CD74: variants seen among roughly 807,000 people sequenced by gnomAD.
The protein encoded by CD74 is HLA class II histocompatibility antigen gamma chain.
CD74 carries 20 observed loss-of-function variants against 37.1 expected under a neutral mutation model. The ratio of observed to expected loss-of-function variants is 0.54; its 90% CI spans 0.38 to 0.78. CD74 has a LOEUF of 0.78. Among genes scored for constraint, CD74 ranks in the 30% least tolerant of loss-of-function variants. The pLI, the probability that CD74 is intolerant of heterozygous loss-of-function variation, is 0.00. For synonymous variants in CD74, 150 were observed against 152.0 expected (o/e 0.99, Z 0.10); for missense variants, 338 against 389.5 (o/e 0.87, Z 1.11).
Position 150,402,088 on chromosome 5 carries a change from G to A in CD74, c.*152C>T. 1.3e-6 allele frequency: 2 copies of A among 1,543,552 alleles called. No homozygotes were observed. The highest frequency in any genetic ancestry group is 1.2e-5 in the South Asian group (1 of 84,052). On this transcript the variant is annotated 3_prime_UTR_variant, in exon 9 of 9. Coordinates refer to ENST00000009530, the MANE Select transcript of CD74 (RefSeq NM_001025159.3). This position sits in a 1 kb window ranked among gnomAD's most constrained non-coding sequence, Gnocchi z 4.2. ...GTTATCTGCTGTTCCGACTTGGTTT[G>A]TCTTGTCCAAGGGTGACGAAAGAGC...
chr5:150,406,358 T>C (rs1294016600), intron 3 of CD74, 37 bp from the exon 4 acceptor site: 1 of 1,563,254 alleles, frequency 6.4e-7, no homozygotes, highest in South Asian at 1.1e-5. Flanking sequence ...CCAGAGCTGG[T>C]CCCTGGAGCA....
Position 150,402,990 on chromosome 5 carries a change from G to T in CD74, c.817+131C>A. On this transcript the variant is annotated intron_variant, in intron 7 of 8. Transcript: ENST00000009530. The surrounding 1 kb of genome is among the most constrained non-coding windows in gnomAD (Gnocchi z 4.2). The stretch of plus-strand genomic sequence containing the variant: ...TGGATGGATAAAGGGCTGGACGCAT[G>T]ACTACGTCACTGCCCCCAGGAGCTG... 1 of 700,566 alleles carries T rather than the reference G, an allele frequency of 1.4e-6. No individual in the cohort carries two copies. Among genetic ancestry groups the T allele is most frequent in the South Asian group, 1.8e-5 (1 of 55,512 alleles). 43.4% of individuals were successfully genotyped at this position (700,566 alleles called of 1,614,324 possible).
At chr5:150,406,559 A>C (rs903184848) in intron 3 of CD74, 1 of 595,610 alleles carries the variant, frequency 1.7e-6, no homozygotes, top group Non-Finnish European at 3.0e-6. Flanking sequence ...TCCACAGCAC[A>C]GTATTGTGAA....
Position 150,412,891 on chromosome 5 carries a change from T to A in CD74, c.-142A>T. The A allele has an allele frequency of 6.6e-7, 1 of 1,517,786 alleles. No homozygotes were observed. Among genetic ancestry groups the A allele is most frequent in the East Asian group, 2.3e-5 (1 of 43,442 alleles). 94.0% of individuals were successfully genotyped at this position (1,517,786 alleles called of 1,614,324 possible). Reference sequence around the variant, plus strand: ...TGGAAATACCCCACTTTGGTGAAGCTGCCTTTTGCGGGGCAGGATGTGGGG... The same window carrying A: ...TGGAAATACCCCACTTTGGTGAAGCAGCCTTTTGCGGGGCAGGATGTGGGG... On this transcript the variant is annotated 5_prime_UTR_variant, in exon 1 of 9. Coordinates refer to ENST00000009530, the MANE Select transcript of CD74 (RefSeq NM_001025159.3).
intron 6 of CD74, chr5:150,404,468 G>A (rs1769825743): frequency 7.2e-6 from 4 of 557,534 alleles, no homozygotes; most frequent in Admixed American, 6.1e-5. Context: ...GGAACCCTTA[G>A]ACAAGATGGG....
intron 1 of CD74, among the ~76,000 whole-genome samples, chr5:150,411,962 A>C (rs944337759): frequency 2.0e-5 from 3 of 151,946 alleles, no homozygotes; most frequent in African/African-American, 7.3e-5. Context: ...CAAGGTCTTT[A>C]TTTATTTATT....
Position 150,406,870 on chromosome 5 carries a change from G to A in CD74, c.378+11C>T. ...ACCTTGCCCCTCCCACCACCCTGGGGCTGTCCTTACCCCCTGGGGCAGGGC... is the reference window on the plus strand; with the variant it reads ...ACCTTGCCCCTCCCACCACCCTGGGACTGTCCTTACCCCCTGGGGCAGGGC... On this transcript the variant is annotated intron_variant, in intron 3 of 8. Transcript: ENST00000009530. The A allele has an allele frequency of 2.0e-6, 3 of 1,480,498 alleles. No homozygotes were observed. The highest frequency in any genetic ancestry group is 2.7e-6 in the Non-Finnish European group (3 of 1,115,404). The allele number at this position is 1,480,498 out of a possible 1,614,324, so 91.7% of individuals were successfully genotyped here.
intron 1 of CD74, among the ~76,000 whole-genome samples, chr5:150,410,162 G>A (rs574268166): frequency 6.6e-6 from 1 of 152,296 alleles, no homozygotes; most frequent in African/African-American, 2.4e-5. Flanking sequence ...CCTAGCCTGT[G>A]TTCAGGCTCT....
In CD74 at chr5:150,402,613, A is replaced by G. The variant is rs750599825; in HGVS notation, c.830T>C (p.Leu277Pro). The part of the protein sequence containing the change: ...GHHNCSESLE[L>P]EDPSSGLGVT... ...ACCCAGCCCAGAAGACGGGTCCTCC[A>G]GTTCCAGTGACTCTGCAAAGGAGCA... is the stretch of plus-strand genomic sequence containing the variant. Residue 277 changes from leucine (L) to proline (P), a missense_variant, in exon 8 of 9, where the codon CTG becomes CCG. Physicochemically the swap from Leu to Pro is moderately conservative, Grantham distance 98. Transcript: ENST00000009530. This position sits in a 1 kb window ranked among gnomAD's most constrained non-coding sequence, Gnocchi z 4.2. The G allele has an allele frequency of 6.2e-7, 1 of 1,611,192 alleles. No homozygotes were observed. Among genetic ancestry groups the G allele is most frequent in the South Asian group, 1.1e-5 (1 of 90,768 alleles).
rs767638817 is a variant in CD74, at chr5:150,406,884, C to A, written c.375G>T (p.Gln125His). 1 of 1,502,914 alleles carries A rather than the reference C, an allele frequency of 6.7e-7. No individual in the cohort carries two copies. Among genetic ancestry groups the A allele is most frequent in the South Asian group, 1.4e-5 (1 of 71,312 alleles). The allele number at this position is 1,502,914 out of a possible 1,614,324, so 93.1% of individuals were successfully genotyped here. ...ACCACCCTGGGGCTGTCCTTACCCC[C>A]TGGGGCAGGGCTCCCATGGGCAGCG... ...MQALPMGALP[Q>H]GPMQNATKYG... The change falls in exon 3 of 9, where the codon CAG (glutamine) becomes CAT (histidine). Residue 125 changes from glutamine (Q) to histidine (H), a missense_variant. Coordinates refer to ENST00000009530, the MANE Select transcript of CD74 (RefSeq NM_001025159.3).
chr5:150,412,509 A>G, intron 1 of CD74, 116 bp downstream of exon 1: 2 of 785,114 alleles, frequency 2.5e-6, no homozygotes, highest in Non-Finnish European at 4.2e-6. Flanking sequence ...AGTCAATGTT[A>G]GAGTCAGAGC....
At chr5:150,405,350 TAA>T in intron 4 of CD74, 170 bp from the exon 5 acceptor site, 1 of 1,339,654 alleles carries the variant, frequency 7.5e-7, no homozygotes, top group Admixed American at 3.7e-5. Context: ...AGGGTACGGG[TAA>T]GGGTAGTCCA....
chr5:150,412,106 A>G (rs928256080), intron 1 of CD74, among the ~76,000 whole-genome samples: 14 of 152,228 alleles, frequency 9.2e-5, no homozygotes, highest in Admixed American at 5.9e-4. Context: ...GTGGGATTAC[A>G]GGTGTACACC....
At chr5:150,408,745 C>T (rs1331969437) in intron 1 of CD74, among the ~76,000 whole-genome samples, 2 of 152,182 alleles carry the variant, frequency 1.3e-5, no homozygotes, top group Non-Finnish European at 2.9e-5. Context: ...TTGACGACCC[C>T]AGGGGTGGGA....
chr5:150,407,378 C>T lies in CD74; in HGVS notation c.126-54G>A, dbSNP rs1204994597. On this transcript the variant is annotated intron_variant, in intron 1 of 8. Coordinates refer to ENST00000009530, the MANE Select transcript of CD74 (RefSeq NM_001025159.3). The surrounding 1 kb of genome is among the most constrained non-coding windows in gnomAD (Gnocchi z 4.4). ...GGAGGATCCACAGTGGTGGCTGCCC[C>T]AAGGGCTGGCTAGGAATGGGGAAAT... The T allele has an allele frequency of 1.3e-6, 2 of 1,481,584 alleles. No individual in the cohort carries two copies. Among genetic ancestry groups the T allele is most frequent in the East Asian group, 4.7e-5 (2 of 42,428 alleles). 91.8% of individuals were successfully genotyped at this position (1,481,584 alleles called of 1,614,324 possible).
chr5:150,409,260 C>T (rs1770189205), intron 1 of CD74, among the ~76,000 whole-genome samples: 1 of 151,210 alleles, frequency 6.6e-6, no homozygotes, highest in Non-Finnish European at 1.5e-5. Context: ...GGCGCGGTGG[C>T]TCACACCTGT....
At position 150,403,971 on chromosome 5, in the gene CD74, G is replaced by T. The variant is rs1769796973; in HGVS notation, c.626-659C>A. ...GGTAAGTCTAAGCTTCCTGTTACTG[G>T]GAGTTCTCAAGTAGAAATGGGGTTT... On this transcript the variant is annotated intron_variant, in intron 6 of 8. Coordinates refer to ENST00000009530, the MANE Select transcript of CD74 (RefSeq NM_001025159.3). This position sits in a 1 kb window ranked among gnomAD's most constrained non-coding sequence, Gnocchi z 4.5. 6.6e-6 allele frequency among the ~76,000 whole-genome samples: 1 copy of T among 152,194 alleles called. No individual in the cohort carries two copies. Among genetic ancestry groups the T allele is most frequent in the South Asian group, 2.1e-4 (1 of 4,834 alleles).
In CD74 at chr5:150,406,894, G is replaced by T; in HGVS notation, c.365C>A (p.Ala122Asp). The stretch of plus-strand genomic sequence containing the variant: ...GGCTGTCCTTACCCCCTGGGGCAGG[G>T]CTCCCATGGGCAGCGCCTGCATCAG... ...PLLMQALPMGALPQGPMQNAT... is the reference protein window; with the variant it reads ...PLLMQALPMGDLPQGPMQNAT... The change falls in exon 3 of 9, where the codon GCC becomes GAC. Residue 122 changes from alanine (A) to aspartate (D), a missense_variant. By Grantham distance (126) the Ala-to-Asp change is moderately radical. Coordinates refer to ENST00000009530, the MANE Select transcript of CD74 (RefSeq NM_001025159.3). 6.6e-7 allele frequency: 1 copy of T among 1,511,450 alleles called. No individual in the cohort carries two copies. The highest frequency in any genetic ancestry group is 2.5e-5 in the Admixed American group (1 of 40,502). The allele number at this position is 1,511,450 out of a possible 1,614,324, so 93.6% of individuals were successfully genotyped here. A position where few individuals can be genotyped will look rare whatever the true frequency, so the allele number is the denominator to read the frequency against.
rs908186468 is a variant in CD74, at chr5:150,402,998, C to T, written c.817+123G>A. The T allele has an allele frequency of 1.9e-5, 14 of 750,918 alleles. No homozygotes were observed. The highest frequency in any genetic ancestry group is 1.7e-4 in the African/African-American group (10 of 57,396). The allele number at this position is 750,918 out of a possible 1,614,324, so 46.5% of individuals were successfully genotyped here. On this transcript the variant is annotated intron_variant, in intron 7 of 8. Coordinates refer to ENST00000009530, the MANE Select transcript of CD74 (RefSeq NM_001025159.3). This position sits in a 1 kb window ranked among gnomAD's most constrained non-coding sequence, Gnocchi z 4.2. ...TAAAGGGCTGGACGCATGACTACGT[C>T]ACTGCCCCCAGGAGCTGCCATCCTG... is the stretch of plus-strand genomic sequence containing the variant.
Sources: gnomAD v4.1 joint callset for allele counts (sites outside exome capture counted in the v4.1 genomes callset) on GRCh38, gnomAD v4.1.1 for gene constraint, Gnocchi (gnomAD v3.1) non-coding constraint, MANE v1.5 for transcripts, NCBI Gene and HGNC (gene_info 2026-07-23, HGNC 2026-07-21) for gene names.